NAALADL2: variants seen among roughly 807,000 people sequenced by gnomAD.
NAALADL2 encodes the protein N-acetylated alpha-linked acidic dipeptidase like 2, also known as inactive N-acetylated-alpha-linked acidic dipeptidase-like protein 2.
Under a neutral mutation model 87.2 loss-of-function variants are expected in NAALADL2, and 76 were observed. The observed-to-expected ratio is 0.87, with a 90% CI of 0.72 to 1.05. The LOEUF (loss-of-function observed/expected upper bound fraction) is 1.05, where lower values mean the gene tolerates loss of function less well. Among genes scored for constraint, NAALADL2 ranks in the 50% least tolerant of loss-of-function variants. The probability of loss-of-function intolerance (pLI) is 0.00; values close to 1 mark genes in which losing one functional copy is unlikely to be tolerated. For missense variants in NAALADL2, 1,089 were observed against 945.8 expected, an observed-to-expected ratio of 1.15 and a Z score of -1.99; for synonymous variants, 354 against 331.0, an observed-to-expected ratio of 1.07 and a Z score of -0.75.
Position 175,108,930 on chromosome 3 carries a change from G to C in NAALADL2, c.545+11639G>C, listed in dbSNP as rs372083473. ...AGGTTTTTCTCTTGGGGGTGGCATGGGCAGATTTTTTTTCTTCATCCTGTT... is the reference window on the plus strand; with the variant it reads ...AGGTTTTTCTCTTGGGGGTGGCATGCGCAGATTTTTTTTCTTCATCCTGTT... On this transcript the variant is annotated intron_variant, in intron 2 of 13. Transcript: ENST00000454872. Among the ~76,000 whole-genome samples, 5 of 151,662 alleles carry C rather than the reference G, an allele frequency of 3.3e-5. No individual in the cohort carries two copies. The East Asian group carries it at 5.9e-4, about 18-fold the overall frequency.
intron 9 of NAALADL2, among the ~76,000 whole-genome samples, chr3:175,518,835 A>G (rs1732243708): frequency 6.6e-6 from 1 of 152,246 alleles, no homozygotes; most frequent in African/African-American, 2.4e-5. Flanking sequence ...TAAGTTTCGT[A>G]GATCAAAAAA....
chr3:174,704,084 A>G (rs1276514252), intron 2 of NAALADL2, among the ~76,000 whole-genome samples: 2 of 152,184 alleles, frequency 1.3e-5, no homozygotes, highest in African/African-American at 4.8e-5. Context: ...GGAGATACGG[A>G]AGCTTTAAGA....
chr3:175,455,000 GC>G (rs1292060903), intron 6 of NAALADL2, among the ~76,000 whole-genome samples: 1 of 152,092 alleles, frequency 6.6e-6, no homozygotes, highest in African/African-American at 2.4e-5. Context: ...CATTGCTACT[GC>G]CTCTAAACCA....
chr3:175,270,448 GC>G (rs2110001454), intron 4 of NAALADL2, among the ~76,000 whole-genome samples: 1 of 152,270 alleles, frequency 6.6e-6, no homozygotes, highest in East Asian at 1.9e-4. Flanking sequence ...ATTACTGACA[GC>G]CAGGGAGACA....
At chr3:175,065,957 A>G (rs1161036814) in intron 1 of NAALADL2, among the ~76,000 whole-genome samples, 1 of 152,208 alleles carries the variant, frequency 6.6e-6, no homozygotes, top group Non-Finnish European at 1.5e-5. Flanking sequence ...TTCGGTCTTA[A>G]TGTTGCCATC....
chr3:174,639,561 G>C (rs1355401437), intron 2 of NAALADL2, among the ~76,000 whole-genome samples: 1 of 152,070 alleles, frequency 6.6e-6, no homozygotes, highest in Non-Finnish European at 1.5e-5. Context: ...TCCAGAAGTG[G>C]TGGTTAAACC....
chr3:175,420,525 C>T (rs191252584), intron 5 of NAALADL2, among the ~76,000 whole-genome samples: 3 of 152,052 alleles, frequency 2.0e-5, no homozygotes, highest in Admixed American at 1.3e-4. Flanking sequence ...GAACATACAG[C>T]CAGTGAATTC....
rs1733621699 is a variant in NAALADL2 at position 175,527,884 on chromosome 3, G to C, written c.1654-48157G>C. 1.3e-5 allele frequency among the ~76,000 whole-genome samples: 2 copies of C among 152,114 alleles called. 1 individual carries two copies. Among genetic ancestry groups the C allele is most frequent in the South Asian group, 4.1e-4 (2 of 4,836 alleles). ...AGGTTATACATTGACTTATTCTACA[G>C]ACAATTCTTTGTGCTCATATTCTGG... On this transcript the variant is annotated intron_variant, in intron 9 of 13. Coordinates refer to ENST00000454872, the MANE Select transcript of NAALADL2 (RefSeq NM_207015.3).
chr3:174,996,449 A>G (rs943547121), intron 1 of NAALADL2, among the ~76,000 whole-genome samples: 1 of 151,744 alleles, frequency 6.6e-6, no homozygotes, highest in Non-Finnish European at 1.5e-5. Context: ...GTGAGCCGAG[A>G]TCATGCAACT....
At chr3:175,465,000 G>A (rs1723752138) in intron 7 of NAALADL2, among the ~76,000 whole-genome samples, 1 of 152,000 alleles carries the variant, frequency 6.6e-6, no homozygotes, top group East Asian at 1.9e-4. Flanking sequence ...ATAAACTCCT[G>A]GAATTGAAAA....
chr3:175,012,318 C>T lies in NAALADL2; in HGVS notation c.44-84472C>T, dbSNP rs1471433732. ...TAGGTGGGATTACAGGTATATGCCA[C>T]CAGGCCTGGCTAATATTTTTTTTAT... On this transcript the variant is annotated intron_variant, in intron 1 of 13. Coordinates refer to ENST00000454872, the MANE Select transcript of NAALADL2 (RefSeq NM_207015.3). Among the ~76,000 whole-genome samples, 7 of 149,956 alleles carry T rather than the reference C, an allele frequency of 4.7e-5. 1 individual carries two copies. In the South Asian group the frequency reaches 1.5e-3, roughly 32 times the overall value.
At chr3:175,016,344 TACA>T (rs1240125177) in intron 1 of NAALADL2, among the ~76,000 whole-genome samples, 1 of 150,480 alleles carries the variant, frequency 6.6e-6, no homozygotes, top group Admixed American at 6.7e-5. Flanking sequence ...CGTGACTCAT[TACA>T]ACATTACAAC....
chr3:175,266,194 T>C (rs566030244), intron 4 of NAALADL2, among the ~76,000 whole-genome samples: 1 of 151,108 alleles, frequency 6.6e-6, no homozygotes, highest in East Asian at 1.9e-4. Flanking sequence ...AAATATCTTA[T>C]GAATTTTCCT....
intron 1 of NAALADL2, among the ~76,000 whole-genome samples, chr3:174,485,444 C>T (rs1717794252): frequency 6.6e-6 from 1 of 151,568 alleles, no homozygotes; most frequent in Non-Finnish European, 1.5e-5. Context: ...CTTCCTCCTC[C>T]ACCCACCCCC....
intron 11 of NAALADL2, among the ~76,000 whole-genome samples, chr3:175,633,649 T>C (rs1174520668): frequency 6.6e-6 from 1 of 152,062 alleles, no homozygotes; most frequent in Non-Finnish European, 1.5e-5. Context: ...TGTGGTACCA[T>C]GGAAACCAGC....
intron 3 of NAALADL2, among the ~76,000 whole-genome samples, chr3:174,823,366 A>G (rs1370951107): frequency 1.3e-5 from 2 of 152,052 alleles, no homozygotes; most frequent in African/African-American, 2.4e-5. Flanking sequence ...GCCAATCTAC[A>G]TTCTTGTTAA....
intron 2 of NAALADL2, among the ~76,000 whole-genome samples, chr3:174,646,425 G>A (rs1035968026): frequency 9.2e-5 from 14 of 152,072 alleles, no homozygotes; most frequent in Non-Finnish European, 1.6e-4. Flanking sequence ...AAAACACTAA[G>A]TGATACTTTA....
chr3:174,708,806 T>C (rs1438821241), intron 2 of NAALADL2, among the ~76,000 whole-genome samples: 1 of 152,154 alleles, frequency 6.6e-6, no homozygotes, highest in Non-Finnish European at 1.5e-5. Flanking sequence ...AAATTTGAAC[T>C]TTAAAGGAGG....
At chr3:174,479,006 G>A (rs750023576) in intron 1 of NAALADL2, among the ~76,000 whole-genome samples, 1 of 152,192 alleles carries the variant, frequency 6.6e-6, no homozygotes, top group South Asian at 2.1e-4. Context: ...ACCATGCCCA[G>A]CCTCAAATTC....
Sources: gnomAD v4.1 joint callset for allele counts (sites outside exome capture counted in the v4.1 genomes callset) on GRCh38, gnomAD v4.1.1 for gene constraint, MANE v1.5 for transcripts, NCBI Gene and HGNC (gene_info 2026-07-23, HGNC 2026-07-21) for gene names.